Variants in ROBO2 observed in about 807,000 individuals in gnomAD.
ROBO2 encodes the protein roundabout guidance receptor 2, also known as roundabout homolog 2.
Under a neutral mutation model 160.8 loss-of-function variants are expected in ROBO2, and 53 were observed. That is an observed-to-expected ratio of 0.33 (90% CI 0.26 to 0.41). The LOEUF is 0.41. ROBO2 is among the 10% of genes least tolerant of loss of function. ROBO2 has a pLI of 1.00. For synonymous variants in ROBO2, 664 were observed against 611.7 expected (o/e 1.09, Z -1.26); for missense variants, 1,577 against 1,722.4 (o/e 0.92, Z 1.49).
intron 2 of ROBO2, among the ~76,000 whole-genome samples, chr3:75,978,988 C>T (rs899656898): frequency 2.0e-5 from 3 of 151,346 alleles, no homozygotes; most frequent in African/African-American, 7.3e-5. Flanking sequence ...GAAATTAGAA[C>T]GAAGGTGAAT....
rs369513091 is a variant in ROBO2 at position 76,409,662 on chromosome 3, C to T, written c.109+472060C>T. 3.9e-5 allele frequency among the ~76,000 whole-genome samples: 6 copies of T among 152,198 alleles called. No homozygotes were observed. The East Asian group carries it at 1.2e-3, about 29-fold the overall frequency. On this transcript the variant is annotated intron_variant, in intron 2 of 26. Transcript: ENST00000487694. ...CTGGGACATAACCCTGACTTTCAAA[C>T]TAAGCTCTGTTCCTTAATAAGTTAT...
At chr3:76,063,533 A>G (rs897042514) in intron 2 of ROBO2, among the ~76,000 whole-genome samples, 4 of 150,526 alleles carry the variant, frequency 2.7e-5, no homozygotes, top group East Asian at 2.0e-4. Flanking sequence ...TTTTGTAGAG[A>G]TGAGACCTCA....
intron 2 of ROBO2, among the ~76,000 whole-genome samples, chr3:76,237,048 G>A (rs1439030215): frequency 2.0e-5 from 3 of 152,058 alleles, no homozygotes; most frequent in African/African-American, 7.2e-5. Flanking sequence ...TAAGGTATAT[G>A]TAGTTAATAA....
intron 2 of ROBO2, among the ~76,000 whole-genome samples, chr3:77,409,499 G>C (rs2076526312): frequency 6.6e-6 from 1 of 152,108 alleles, no homozygotes; most frequent in African/African-American, 2.4e-5. Flanking sequence ...TTGCACCATG[G>C]CATTTAAGAA....
intron 2 of ROBO2, among the ~76,000 whole-genome samples, chr3:76,241,422 C>T (rs907371184): frequency 2.0e-5 from 3 of 152,154 alleles, no homozygotes; most frequent in African/African-American, 4.8e-5. Context: ...GCTGTTTTAG[C>T]GCAGAAGATA....
Position 76,601,392 on chromosome 3 carries a change from G to C in ROBO2, c.110-496622G>C, listed in dbSNP as rs189920627. Among the ~76,000 whole-genome samples, 147 of 152,302 alleles carry C rather than the reference G, an allele frequency of 9.7e-4. 2 individuals are homozygous for C. Among genetic ancestry groups the C allele is most frequent in the African/African-American group, 3.5e-3 (145 of 41,572 alleles). ...TACCCTAGCAGAGGTTCTCCATGAG[G>C]TTTCCACCCTTGCAGCAAACTTTAG... On this transcript the variant is annotated intron_variant, in intron 2 of 26. Coordinates refer to the ROBO2 transcript ENST00000487694.
At chr3:77,161,729 CG>C (rs201281188) in intron 2 of ROBO2, among the ~76,000 whole-genome samples, 2,651 of 151,920 alleles carry the variant, frequency 0.017, 70 homozygotes, top group African/African-American at 0.059. Flanking sequence ...TCTGAAAATA[CG>C]TTTTTTTTTT....
intron 2 of ROBO2, among the ~76,000 whole-genome samples, chr3:76,785,518 T>G (rs1334517380): frequency 6.6e-6 from 1 of 151,284 alleles, no homozygotes; most frequent in Non-Finnish European, 1.5e-5. Flanking sequence ...GTTTGGTGAT[T>G]TTGTTGTAGT....
intron 2 of ROBO2, among the ~76,000 whole-genome samples, chr3:76,996,715 C>T (rs952959305): frequency 2.6e-5 from 4 of 152,108 alleles, no homozygotes; most frequent in African/African-American, 9.7e-5. Flanking sequence ...CGAGTACATT[C>T]TTACCAAGTA....
intron 2 of ROBO2, among the ~76,000 whole-genome samples, chr3:76,063,394 G>A (rs1003130501): frequency 2.0e-5 from 3 of 148,688 alleles, no homozygotes; most frequent in Non-Finnish European, 4.4e-5. Flanking sequence ...CCAGGCTAGA[G>A]TGCAGTGGTG....
chr3:77,103,407 C>CTTTTTTT (rs11409908), intron 2 of ROBO2, among the ~76,000 whole-genome samples: 8 of 146,636 alleles, frequency 5.5e-5, no homozygotes, highest in Non-Finnish European at 3.0e-5. Flanking sequence ...AGAAACCAAT[C>CTTTTTTT]TTTTTTTTTT....
intron 2 of ROBO2, among the ~76,000 whole-genome samples, chr3:76,394,091 C>G (rs1559873170): frequency 6.6e-6 from 1 of 152,116 alleles, no homozygotes; most frequent in Admixed American, 6.6e-5. Context: ...ATTTGCCAGT[C>G]TGTGTCTTTT....
rs146573317 is a variant in ROBO2, at chr3:76,435,727, G to C, written c.109+498125G>C. On this transcript the variant is annotated intron_variant, in intron 2 of 26. Coordinates refer to the ROBO2 transcript ENST00000487694. Reference sequence around the variant, plus strand: ...GATGCATTTTAGCTTTGAGCTTTTGGGGGTTATTCTACCAACAAACAAACA... The same window carrying C: ...GATGCATTTTAGCTTTGAGCTTTTGCGGGTTATTCTACCAACAAACAAACA... Among the ~76,000 whole-genome samples, 636 of 152,118 alleles carry C rather than the reference G, an allele frequency of 4.2e-3. 4 individuals are homozygous for C. Among genetic ancestry groups the C allele is most frequent in the African/African-American group, 0.013 (553 of 41,486 alleles).
At chr3:76,035,990 T>C (rs1424753104) in intron 2 of ROBO2, among the ~76,000 whole-genome samples, 1 of 151,952 alleles carries the variant, frequency 6.6e-6, no homozygotes, top group African/African-American at 2.4e-5. Context: ...AAAGTTATTT[T>C]CCTCTTTTTT....
intron 2 of ROBO2, among the ~76,000 whole-genome samples, chr3:76,684,505 G>A (rs2092642514): frequency 6.6e-6 from 1 of 152,096 alleles, no homozygotes; most frequent in African/African-American, 2.4e-5. Context: ...GTAAATTTTA[G>A]TGCAGAGAAT....
intron 2 of ROBO2, among the ~76,000 whole-genome samples, chr3:76,985,365 G>A (rs1009481735): frequency 3.3e-5 from 5 of 151,648 alleles, no homozygotes; most frequent in Admixed American, 6.6e-5. Context: ...GGAAGATCAC[G>A]AGGTCAGGAG....
chr3:76,961,432 A>C lies in ROBO2; in HGVS notation c.110-136582A>C, dbSNP rs72900182. 4.9e-3 allele frequency among the ~76,000 whole-genome samples: 738 copies of C among 152,142 alleles called. 6 individuals carry two copies. Among genetic ancestry groups the C allele is most frequent in the African/African-American group, 0.017 (685 of 41,488 alleles). On this transcript the variant is annotated intron_variant, in intron 2 of 26. Transcript: ENST00000487694. ...CTACTTTTTGTGGATCTAAGATATC[A>C]CTATCTAAGCCTGTCAACCATAAGC...
chr3:77,184,929 T>C (rs2081140786), intron 2 of ROBO2, among the ~76,000 whole-genome samples: 2 of 152,030 alleles, frequency 1.3e-5, no homozygotes, highest in African/African-American at 4.8e-5. Flanking sequence ...TCTAGCATCA[T>C]AGATGGCATG....
At chr3:76,769,351 AGAT>A (rs10565547) in intron 2 of ROBO2, among the ~76,000 whole-genome samples, 121,852 of 150,100 alleles carry the variant, frequency 0.81, 49,573 homozygotes, top group African/African-American at 0.85. Context: ...TGTAAATCCC[AGAT>A]GATGATGATG....
Sources: allele counts gnomAD v4.1 joint callset (sites outside exome capture counted in the v4.1 genomes callset), GRCh38; gene constraint gnomAD v4.1.1; transcripts MANE v1.5; gene names NCBI Gene and HGNC (gene_info 2026-07-23, HGNC 2026-07-21).